AGTPBP1: variants seen among roughly 807,000 people sequenced by gnomAD.
AGTPBP1 encodes the protein ATP/GTP binding carboxypeptidase 1.
Under a neutral mutation model 143.9 loss-of-function variants are expected in AGTPBP1, and 70 were observed. The observed-to-expected ratio is 0.49, with a 90% CI of 0.40 to 0.59. The LOEUF is 0.59. Among genes scored for constraint, AGTPBP1 ranks in the 20% least tolerant of loss-of-function variants. The pLI is 0.00. For missense variants in AGTPBP1, 1,229 were observed against 1,464.5 expected (o/e 0.84, Z 2.62); for synonymous variants, 463 against 500.2 (o/e 0.93, Z 0.99).
At chr9:85,561,792 A>G (rs1249657690) in intron 25 of AGTPBP1, among the ~76,000 whole-genome samples, 1 of 151,992 alleles carries the variant, frequency 6.6e-6, no homozygotes, top group Non-Finnish European at 1.5e-5. Context: ...TTCAAATGTT[A>G]TAAGAATCCT....
intron 23 of AGTPBP1, 118 bp from the exon 24 acceptor site, chr9:85,579,214 T>C (rs1402831067): frequency 9.2e-6 from 9 of 975,494 alleles, no homozygotes; most frequent in Non-Finnish European, 1.2e-5. Context: ...GTGGATGTTC[T>C]ATTATATATC....
chr9:85,785,917 G>A, the AGTPBP1 span: 2 of 500,250 alleles, frequency 4.0e-6, no homozygotes, highest in East Asian at 3.3e-5. Flanking sequence ...CAAGATGCCT[G>A]TAAGTGAAAT....
the AGTPBP1 span, chr9:85,773,914 A>G: frequency 1.2e-6 from 2 of 1,607,458 alleles, no homozygotes; most frequent in East Asian, 2.2e-5. Flanking sequence ...CTGGAACGGG[A>G]TAATATGGTT....
chr9:85,646,168 T>C (rs1832794531), intron 12 of AGTPBP1, among the ~76,000 whole-genome samples, 153 bp downstream of exon 12: 1 of 152,188 alleles, frequency 6.6e-6, no homozygotes, highest in African/African-American at 2.4e-5. Context: ...TAAACCAATA[T>C]CATCTACCCC....
chr9:85,771,334 G>T, the AGTPBP1 span, among the ~76,000 whole-genome samples: 2 of 152,066 alleles, frequency 1.3e-5, no homozygotes, highest in Non-Finnish European at 2.9e-5. Context: ...GAATTAGCCG[G>T]GTGTGGTAGC....
intron 6 of AGTPBP1, among the ~76,000 whole-genome samples, chr9:85,674,551 T>C (rs1834704996): frequency 1.3e-5 from 2 of 152,102 alleles, no homozygotes; most frequent in Admixed American, 6.5e-5. Flanking sequence ...TATTTTTTCA[T>C]TTTCATTTTC....
intron 2 of AGTPBP1, among the ~76,000 whole-genome samples, chr9:85,698,281 G>C (rs750432462): frequency 5.9e-5 from 9 of 152,150 alleles, no homozygotes; most frequent in Non-Finnish European, 1.2e-4. Flanking sequence ...TTTCATCTTA[G>C]TGATTCCTTT....
chr9:85,792,018 A>AC, the AGTPBP1 span, among the ~76,000 whole-genome samples: 2 of 152,216 alleles, frequency 1.3e-5, no homozygotes, highest in Non-Finnish European at 2.9e-5. Context: ...AAACAAACAA[A>AC]AAAATTGCTG....
chr9:85,575,041 G>A (rs895553351), intron 25 of AGTPBP1, among the ~76,000 whole-genome samples: 5 of 152,098 alleles, frequency 3.3e-5, no homozygotes, highest in Non-Finnish European at 5.9e-5. Flanking sequence ...TATTAGCTAA[G>A]TATAATATTT....
At chr9:85,664,385 G>C (rs1382059808) in intron 8 of AGTPBP1, among the ~76,000 whole-genome samples, 1 of 152,084 alleles carries the variant, frequency 6.6e-6, no homozygotes, top group Non-Finnish European at 1.5e-5. Context: ...GTTGGTGTTG[G>C]TATAAAGATG....
chr9:85,582,602 C>T (rs1828337415), intron 23 of AGTPBP1, among the ~76,000 whole-genome samples: 1 of 151,960 alleles, frequency 6.6e-6, no homozygotes, highest in South Asian at 2.1e-4. Context: ...ATCATTTGAA[C>T]CAGGGAGACG....
At chr9:85,567,117 G>T (rs1309435666) in intron 25 of AGTPBP1, among the ~76,000 whole-genome samples, 1 of 152,180 alleles carries the variant, frequency 6.6e-6, no homozygotes, top group African/African-American at 2.4e-5. Flanking sequence ...GTTACGGGGA[G>T]AGGCTTGAAA....
intron 3 of AGTPBP1, 37 bp from the exon 4 acceptor site, chr9:85,681,372 AT>A: frequency 6.3e-7 from 1 of 1,582,042 alleles, no homozygotes; most frequent in Non-Finnish European, 8.6e-7. Context: ...TCAAACATAA[AT>A]TTTTAAAAGT....
chr9:85,775,185 T>C, the AGTPBP1 span, among the ~76,000 whole-genome samples: 3 of 152,022 alleles, frequency 2.0e-5, no homozygotes, highest in South Asian at 6.2e-4. Context: ...GCACCTGTAG[T>C]CCCAGCTACT....
chr9:85,777,055 G>C, the AGTPBP1 span, among the ~76,000 whole-genome samples: 10 of 152,160 alleles, frequency 6.6e-5, no homozygotes, highest in African/African-American at 2.4e-4. Flanking sequence ...CGTTCTATCA[G>C]TCTAGCTGCT....
At chr9:85,740,250 G>T (rs1183176095) in intron 1 of AGTPBP1, among the ~76,000 whole-genome samples, 2 of 152,160 alleles carry the variant, frequency 1.3e-5, no homozygotes, top group African/African-American at 2.4e-5. Flanking sequence ...CTTCATTTCC[G>T]AGTTCAGAGT....
At chr9:85,610,027 CA>C (rs1830221460) in intron 17 of AGTPBP1, among the ~76,000 whole-genome samples, 1 of 152,086 alleles carries the variant, frequency 6.6e-6, no homozygotes, top group African/African-American at 2.4e-5. Flanking sequence ...GAACATTTGT[CA>C]GGGGGACTAA....
At chr9:85,559,995 T>C (rs528425329) in intron 25 of AGTPBP1, among the ~76,000 whole-genome samples, 2 of 152,308 alleles carry the variant, frequency 1.3e-5, no homozygotes, top group African/African-American at 2.4e-5. Flanking sequence ...CTTCAATTCC[T>C]TGGCGTGATA....
intron 17 of AGTPBP1, among the ~76,000 whole-genome samples, chr9:85,613,699 A>G (rs2133459436): frequency 6.6e-6 from 1 of 152,262 alleles, no homozygotes; most frequent in East Asian, 1.9e-4. Context: ...AACATATGTT[A>G]TTTAAACTGC....
Sources: allele counts gnomAD v4.1 joint callset (sites outside exome capture counted in the v4.1 genomes callset), GRCh38; gene constraint gnomAD v4.1.1; transcripts MANE v1.5; gene names NCBI Gene and HGNC (gene_info 2026-07-23, HGNC 2026-07-21).